ADGRL3: variants seen among roughly 807,000 people sequenced by gnomAD.
ADGRL3 encodes the protein adhesion G protein-coupled receptor L3.
Under a neutral mutation model 153.5 loss-of-function variants are expected in ADGRL3, and 62 were observed. The ratio of observed to expected loss-of-function variants is 0.40; its 90% CI spans 0.33 to 0.50. The LOEUF is 0.50. Among genes scored for constraint, ADGRL3 ranks in the 20% least tolerant of loss-of-function variants. The probability of loss-of-function intolerance (pLI) is 0.47; values close to 1 mark genes in which losing one functional copy is unlikely to be tolerated. For missense variants in ADGRL3, 1,641 were observed against 1,859.4 expected (o/e 0.88, Z 2.16); for synonymous variants, 710 against 672.5 (o/e 1.06, Z -0.86).
At chr4:61,461,513 CAATA>C (rs1363801709) in intron 2 of ADGRL3, among the ~76,000 whole-genome samples, 10 of 151,982 alleles carry the variant, frequency 6.6e-5, no homozygotes, top group South Asian at 2.1e-4. Context: ...TATTTTGTAT[CAATA>C]AATAAATATA....
chr4:61,832,689 G>A (rs1298840158), intron 9 of ADGRL3, among the ~76,000 whole-genome samples: 1 of 152,066 alleles, frequency 6.6e-6, no homozygotes, highest in East Asian at 1.9e-4. Context: ...TCACTGGATT[G>A]ACTATATCAA....
chr4:61,382,657 A>G (rs78175029), intron 1 of ADGRL3, among the ~76,000 whole-genome samples: 1,566 of 151,818 alleles, frequency 0.01, 12 homozygotes, highest in Non-Finnish European at 0.015. Flanking sequence ...GTCTGTATAC[A>G]TAAATAAGGG....
In ADGRL3 at chr4:61,995,007, G is replaced by T. The variant is rs182016640; in HGVS notation, c.3237-1284G>T. Among the ~76,000 whole-genome samples the T allele has an allele frequency of 1.2e-4, 18 of 151,714 alleles. No individual in the cohort carries two copies. In the East Asian group the frequency reaches 2.1e-3, roughly 18 times the overall value. On this transcript the variant is annotated intron_variant, in intron 19 of 26. Transcript: ENST00000683033. ...AGCTCACTAAAGCCTCAACCGCCTGGGTTTAGGTGATCCTACCACCTCAGC... is the reference window on the plus strand; with the variant it reads ...AGCTCACTAAAGCCTCAACCGCCTGTGTTTAGGTGATCCTACCACCTCAGC...
intron 8 of ADGRL3, among the ~76,000 whole-genome samples, chr4:61,764,293 A>G (rs1447326165): frequency 6.6e-6 from 1 of 152,098 alleles, no homozygotes; most frequent in African/African-American, 2.4e-5. Flanking sequence ...ACCTGGTTGC[A>G]GGCGGGCTGA....
intron 4 of ADGRL3, among the ~76,000 whole-genome samples, chr4:61,561,502 C>T (rs1228379997): frequency 2.6e-5 from 4 of 151,954 alleles, no homozygotes; most frequent in African/African-American, 9.7e-5. Flanking sequence ...TTTTTTAAAA[C>T]AAATGATTCA....
chr4:61,367,397 C>T (rs1244108902), intron 1 of ADGRL3, among the ~76,000 whole-genome samples: 1 of 151,912 alleles, frequency 6.6e-6, no homozygotes, highest in South Asian at 2.1e-4. Context: ...CTCCCCCCAC[C>T]CCACAACAGT....
At chr4:61,851,463 C>A (rs949802695) in intron 9 of ADGRL3, among the ~76,000 whole-genome samples, 2 of 151,706 alleles carry the variant, frequency 1.3e-5, no homozygotes, top group Non-Finnish European at 2.9e-5. Flanking sequence ...GTGGCACATA[C>A]CTATAGTCCC....
At chr4:61,515,083 G>A (rs544433253) in intron 3 of ADGRL3, among the ~76,000 whole-genome samples, 198 of 152,224 alleles carry the variant, frequency 1.3e-3, no homozygotes, top group African/African-American at 4.5e-3. Flanking sequence ...ATCCTAAACA[G>A]ATTGTCTTAA....
chr4:61,505,400 C>G (rs1189251118), intron 3 of ADGRL3, among the ~76,000 whole-genome samples: 1 of 151,956 alleles, frequency 6.6e-6, no homozygotes, highest in Non-Finnish European at 1.5e-5. Flanking sequence ...GTTATTATGA[C>G]TATAAAAATT....
chr4:61,840,011 G>A (rs1264163126), intron 9 of ADGRL3, among the ~76,000 whole-genome samples: 1 of 150,582 alleles, frequency 6.6e-6, no homozygotes, highest in Non-Finnish European at 1.5e-5. Flanking sequence ...TGTAATGAAT[G>A]ATGTACATAG....
At chr4:61,969,084 C>G (rs1199303244) in intron 17 of ADGRL3, among the ~76,000 whole-genome samples, 1 of 152,124 alleles carries the variant, frequency 6.6e-6, no homozygotes, top group African/African-American at 2.4e-5. Flanking sequence ...ATCAGCTCTA[C>G]ACTCTAAGCG....
At chr4:61,811,827 T>C (rs919827063) in intron 8 of ADGRL3, among the ~76,000 whole-genome samples, 1 of 152,150 alleles carries the variant, frequency 6.6e-6, no homozygotes, top group Admixed American at 6.6e-5. Flanking sequence ...GGGGGTTGTA[T>C]GAAAGGAGAT....
intron 17 of ADGRL3, among the ~76,000 whole-genome samples, chr4:61,976,565 T>C (rs969896218): frequency 6.6e-6 from 1 of 152,088 alleles, no homozygotes; most frequent in African/African-American, 2.4e-5. Flanking sequence ...TTAGATAGGA[T>C]GACTCAGAAA....
intron 2 of ADGRL3, among the ~76,000 whole-genome samples, chr4:61,387,338 C>T (rs547325229): frequency 6.6e-6 from 1 of 152,122 alleles, no homozygotes; most frequent in Admixed American, 6.6e-5. Context: ...AAGTTTTGGG[C>T]ACCATTGTCA....
rs1725881581 is a variant in ADGRL3 at position 62,037,734 on chromosome 4, C to A, written c.3595C>A (p.Arg1199=). ...AAGTTAATATTTAATTGGCTAGGTACGAAAAGAGTATGGGAAATGCCTGCG... is the reference window on the plus strand; with the variant it reads ...AAGTTAATATTTAATTGGCTAGGTAAGAAAAGAGTATGGGAAATGCCTGCG... ...IFHCVLQKKV[R]KEYGKCLRTH... The change falls in exon 24 of 27, where the codon CGA becomes AGA. Residue 1199 remains arginine (R), a synonymous_variant. Transcript: ENST00000683033. The A allele has an allele frequency of 6.2e-7, 1 of 1,613,494 alleles. No homozygotes were observed. The highest frequency in any genetic ancestry group is 8.5e-7 in the Non-Finnish European group (1 of 1,179,672).
At position 61,761,126 on chromosome 4, in the gene ADGRL3, A is replaced by T. The variant is rs563825654; in HGVS notation, c.1399+27572A>T. ...GGTCCATCAAGTGAAGGTTTGCAAAAACATCTCAAACACTGATCTTAGGAG... is the reference window on the plus strand; with the variant it reads ...GGTCCATCAAGTGAAGGTTTGCAAATACATCTCAAACACTGATCTTAGGAG... On this transcript the variant is annotated intron_variant, in intron 8 of 26. Coordinates refer to ENST00000683033, the MANE Select transcript of ADGRL3 (RefSeq NM_001387552.1). Among the ~76,000 whole-genome samples the T allele has an allele frequency of 9.8e-5, 15 of 152,320 alleles. No homozygotes were observed. In the South Asian group the frequency reaches 3.1e-3, roughly 32 times the overall value.
intron 18 of ADGRL3, 26 bp from the exon 19 acceptor site, chr4:61,983,357 A>G: frequency 6.3e-7 from 1 of 1,588,992 alleles, no homozygotes; most frequent in Non-Finnish European, 8.6e-7. Context: ...TAGAGATTTG[A>G]CTAAATCATT....
chr4:61,432,666 TTTTTG>T lies in ADGRL3; in HGVS notation c.-174+49478_-174+49482del, dbSNP rs2097386543. 2.3e-5 allele frequency among the ~76,000 whole-genome samples: 3 copies of T among 131,380 alleles called. 1 individual carries two copies. Among genetic ancestry groups the T allele is most frequent in the African/African-American group, 8.3e-5 (3 of 36,124 alleles). The allele number at this position is 131,380 out of a possible 152,430, so 86.2% of individuals were successfully genotyped here. A position where few individuals can be genotyped will look rare whatever the true frequency, so the allele number is the denominator to read the frequency against. ...TCTTTCTTTCTTTCTTTTTTTTTTT[TTTTTG>T]AGACAGAATTTCACTCTTGTTGCCC... On this transcript the variant is annotated intron_variant, in intron 2 of 26. Transcript: ENST00000683033.
At chr4:61,376,565 C>A (rs1311194188) in intron 1 of ADGRL3, among the ~76,000 whole-genome samples, 2 of 152,098 alleles carry the variant, frequency 1.3e-5, no homozygotes, top group African/African-American at 4.8e-5. Context: ...AGGAAACCCC[C>A]TGCCCCAGGT....
Sources: gnomAD v4.1 joint callset for allele counts (sites outside exome capture counted in the v4.1 genomes callset) on GRCh38, gnomAD v4.1.1 for gene constraint, MANE v1.5 for transcripts, NCBI Gene and HGNC (gene_info 2026-07-23, HGNC 2026-07-21) for gene names.